TTC29: variants seen among roughly 807,000 people sequenced by gnomAD.
The protein encoded by TTC29 is tetratricopeptide repeat protein 29.
A neutral mutation model predicts 58.1 loss-of-function variants in TTC29; 49 were observed. That is an observed-to-expected ratio of 0.84 (90% CI 0.67 to 1.07). The LOEUF is 1.07. Among genes scored for constraint, TTC29 ranks in the 50% least tolerant of loss-of-function variants. The pLI is 0.00. For missense variants in TTC29, 582 were observed against 555.6 expected, an observed-to-expected ratio of 1.05 and a Z score of -0.48; for synonymous variants, 209 against 196.8, an observed-to-expected ratio of 1.06 and a Z score of -0.52.
chr4:146,732,113 A>G (rs1422655744), intron 11 of TTC29, among the ~76,000 whole-genome samples: 1 of 152,154 alleles, frequency 6.6e-6, no homozygotes, highest in East Asian at 1.9e-4. Context: ...TTAAACTGCT[A>G]GGAGATGGGA....
In TTC29 at chr4:146,707,532, T is replaced by C. The variant is rs1193396181; in HGVS notation, c.1350A>G (p.Thr450=). The C allele has an allele frequency of 6.2e-7, 1 of 1,607,992 alleles. No homozygotes were observed. The highest frequency in any genetic ancestry group is 8.5e-7 in the Non-Finnish European group (1 of 1,177,526). Residue 450 remains threonine (T), a synonymous_variant, in exon 12 of 13, where the codon ACA becomes ACG. Coordinates refer to ENST00000325106, the MANE Select transcript of TTC29 (RefSeq NM_031956.4). ...DPVTEEFRGS[T]VEAVSQNSER... is the part of the protein sequence containing the mutation. ...CTGAGTTTTGAGATACAGCTTCCAC[T>C]GTGGATCCTCTAAACTCTTCTAAAA...
chr4:146,827,051 C>T (rs1727852301), intron 9 of TTC29, among the ~76,000 whole-genome samples: 1 of 152,042 alleles, frequency 6.6e-6, no homozygotes, highest in South Asian at 2.1e-4. Context: ...AGAACATGCT[C>T]CTTTAGCTCA....
chr4:146,887,503 G>T (rs1732068034), intron 6 of TTC29, among the ~76,000 whole-genome samples: 1 of 152,094 alleles, frequency 6.6e-6, no homozygotes, highest in Admixed American at 6.6e-5. Context: ...GATATTAGGA[G>T]CTCTGGATTC....
intron 7 of TTC29, 55 bp from the exon 8 acceptor site, chr4:146,867,638 C>A: frequency 1.2e-6 from 1 of 815,756 alleles, no homozygotes; most frequent in Non-Finnish European, 1.9e-6. Context: ...TTTATTACAA[C>A]AAACAGAATC....
chr4:146,777,675 A>G (rs1297738722), intron 11 of TTC29, among the ~76,000 whole-genome samples: 2 of 152,156 alleles, frequency 1.3e-5, no homozygotes, highest in African/African-American at 4.8e-5. Flanking sequence ...ACTTAAGTAT[A>G]TGGTGCCTTT....
Position 146,861,610 on chromosome 4 carries a change from G to A in TTC29, c.885+5888C>T, listed in dbSNP as rs180818009. On this transcript the variant is annotated intron_variant, in intron 8 of 12. Coordinates refer to ENST00000325106, the MANE Select transcript of TTC29 (RefSeq NM_031956.4). ...TATCAACAAGGAATGAATCACCAAAGTTTTATTCATATGCTTGTCTGCACA... is the reference window on the plus strand; with the variant it reads ...TATCAACAAGGAATGAATCACCAAAATTTTATTCATATGCTTGTCTGCACA... 3.9e-3 allele frequency among the ~76,000 whole-genome samples: 601 copies of A among 152,206 alleles called. 4 individuals are homozygous for A. The highest frequency in any genetic ancestry group is 6.8e-3 in the Middle Eastern group (2 of 294).
chr4:146,821,672 C>T (rs752102086), intron 9 of TTC29, among the ~76,000 whole-genome samples: 6 of 152,146 alleles, frequency 3.9e-5, no homozygotes, highest in Admixed American at 6.6e-5. Context: ...ATATGCTGCA[C>T]ACATGAAAGC....
At chr4:146,724,073 C>T (rs1356283864) in intron 11 of TTC29, among the ~76,000 whole-genome samples, 1 of 152,146 alleles carries the variant, frequency 6.6e-6, no homozygotes, top group Non-Finnish European at 1.5e-5. Context: ...TCCTTTGCAG[C>T]AACATGGATG....
intron 8 of TTC29, among the ~76,000 whole-genome samples, chr4:146,850,547 T>A (rs1729451220): frequency 6.6e-6 from 1 of 152,168 alleles, no homozygotes; most frequent in Non-Finnish European, 1.5e-5. Context: ...TGAACAAAGT[T>A]TAATGACTTG....
intron 11 of TTC29, among the ~76,000 whole-genome samples, chr4:146,775,443 G>A (rs761972483): frequency 6.6e-6 from 1 of 151,970 alleles, no homozygotes; most frequent in Non-Finnish European, 1.5e-5. Context: ...CAGGTCTAGT[G>A]GTAATGAATT....
chr4:146,805,196 CA>C (rs1750515179), intron 10 of TTC29, among the ~76,000 whole-genome samples: 3 of 152,200 alleles, frequency 2.0e-5, no homozygotes, highest in African/African-American at 7.2e-5. Flanking sequence ...TCAACATCAA[CA>C]AAAAGGATGT....
intron 11 of TTC29, among the ~76,000 whole-genome samples, chr4:146,753,004 G>A (rs1237739058): frequency 1.3e-5 from 2 of 152,176 alleles, no homozygotes; most frequent in African/African-American, 4.8e-5. Flanking sequence ...AGGACTTCAT[G>A]TCTAAAAAAC....
intron 6 of TTC29, among the ~76,000 whole-genome samples, chr4:146,896,100 TTTAA>T (rs1383774789): frequency 6.6e-6 from 1 of 152,206 alleles, no homozygotes; most frequent in Non-Finnish European, 1.5e-5. Flanking sequence ...GTTTAATTGA[TTTAA>T]TTGTTTACTG....
intron 8 of TTC29, among the ~76,000 whole-genome samples, chr4:146,856,377 AACC>A (rs1729856931): frequency 6.6e-6 from 1 of 152,070 alleles, no homozygotes; most frequent in South Asian, 2.1e-4. Context: ...GGGAAACTAA[AACC>A]AGCTTTCATG....
chr4:146,726,521 C>A (rs1743796253), intron 11 of TTC29, among the ~76,000 whole-genome samples: 1 of 152,086 alleles, frequency 6.6e-6, no homozygotes, highest in African/African-American at 2.4e-5. Flanking sequence ...CTCAGATTGG[C>A]CTGTTTTCTT....
chr4:146,909,259 T>C lies in TTC29; in HGVS notation c.177-10A>G, dbSNP rs754211077. 8 of 1,587,646 alleles carry C rather than the reference T, an allele frequency of 5.0e-6. No individual in the cohort carries two copies. In the Admixed American group the frequency reaches 5.1e-5, roughly 10 times the overall value. On this transcript the variant is annotated splice_polypyrimidine_tract_variant and intron_variant, in intron 4 of 12. Coordinates refer to ENST00000325106, the MANE Select transcript of TTC29 (RefSeq NM_031956.4). Reference sequence around the variant, plus strand: ...GTAGGAGTTCCTATAACTGGAAATATGAATCAGAACACTCTCAGGTTTATG... The same window carrying C: ...GTAGGAGTTCCTATAACTGGAAATACGAATCAGAACACTCTCAGGTTTATG...
chr4:146,743,924 TC>T (rs1745348957), intron 11 of TTC29, among the ~76,000 whole-genome samples: 1 of 152,148 alleles, frequency 6.6e-6, no homozygotes, highest in Non-Finnish European at 1.5e-5. Context: ...GAGCAATTGA[TC>T]AAAGGAATGT....
intron 6 of TTC29, among the ~76,000 whole-genome samples, chr4:146,895,330 T>C (rs1732696989): frequency 1.3e-5 from 2 of 152,150 alleles, no homozygotes; most frequent in South Asian, 2.1e-4. Flanking sequence ...TGGATCCCAA[T>C]CCCAAGATCC....
At chr4:146,804,000 G>T (rs1750422971) in intron 10 of TTC29, among the ~76,000 whole-genome samples, 1 of 152,194 alleles carries the variant, frequency 6.6e-6, no homozygotes, top group African/African-American at 2.4e-5. Flanking sequence ...CATCCAGTGA[G>T]CTCAACACAG....
Sources: gnomAD v4.1 joint callset for allele counts (sites outside exome capture counted in the v4.1 genomes callset) on GRCh38, gnomAD v4.1.1 for gene constraint, MANE v1.5 for transcripts, NCBI Gene and HGNC (gene_info 2026-07-23, HGNC 2026-07-21) for gene names.